The following BIN3 variants were observed in gnomAD, a reference collection of about 807,000 sequenced individuals.
BIN3 encodes the protein bridging integrator 3.
In BIN3, 41 loss-of-function variants were observed where a neutral mutation model predicts 38.2. That is an observed-to-expected ratio of 1.07 (90% CI 0.84 to 1.39). The LOEUF (loss-of-function observed/expected upper bound fraction) is 1.39, where lower values mean the gene tolerates loss of function less well. Ranked by LOEUF, BIN3 falls within the 40% of genes most tolerant of loss-of-function variation. The pLI is 0.00. For synonymous variants in BIN3, 145 were observed against 122.6 expected (o/e 1.18, Z -1.21); for missense variants, 361 against 324.3 (o/e 1.11, Z -0.87).
intron 8 of BIN3, among the ~76,000 whole-genome samples, chr8:22,623,210 C>T (rs917288324): frequency 6.6e-6 from 1 of 152,228 alleles, no homozygotes; most frequent in South Asian, 2.1e-4. Flanking sequence ...GGCATGGGTG[C>T]CCACCCTTTT....
intron 3 of BIN3, 126 bp from the exon 4 acceptor site, chr8:22,636,712 C>T (rs1802379146): frequency 2.7e-6 from 3 of 1,117,430 alleles, no homozygotes; most frequent in Admixed American, 2.1e-5. Context: ...ACTTTTCCCG[C>T]TGACTGAAGT....
At chr8:22,655,265 A>T (rs1563979399) in intron 1 of BIN3, among the ~76,000 whole-genome samples, 1 of 152,014 alleles carries the variant, frequency 6.6e-6, no homozygotes, top group Non-Finnish European at 1.5e-5. Flanking sequence ...TTTGAAGCAG[A>T]AAGTTTTAAA....
chr8:22,621,108 A>G lies in BIN3; in HGVS notation c.*314T>C, dbSNP rs1801784775. On this transcript the variant is annotated 3_prime_UTR_variant, in exon 9 of 9. Transcript: ENST00000276416. ...AAGGCTAAGACCCCCAACTTAGCCAACGAAGCCCATGGCCTCAGAAGGGCT... is the reference window on the plus strand; with the variant it reads ...AAGGCTAAGACCCCCAACTTAGCCAGCGAAGCCCATGGCCTCAGAAGGGCT... 6.4e-6 allele frequency: 2 copies of G among 310,646 alleles called. No homozygotes were observed. The highest frequency in any genetic ancestry group is 6.8e-5 in the East Asian group (1 of 14,696). The allele number at this position is 310,646 out of a possible 1,614,324, so 19.2% of individuals were successfully genotyped here.
At chr8:22,626,783 C>G (rs10110443) in intron 6 of BIN3, among the ~76,000 whole-genome samples, 62,196 of 152,056 alleles carry the variant, frequency 0.41, 13,083 homozygotes, top group South Asian at 0.5. Flanking sequence ...GGGAGGAGCC[C>G]TATGCTCGTT....
chr8:22,636,379 G>A (rs554136563), intron 4 of BIN3, 146 bp downstream of exon 4: 5 of 772,120 alleles, frequency 6.5e-6, no homozygotes, highest in Non-Finnish European at 6.3e-6. Context: ...CTGGTGAGGA[G>A]TGACTGCCCT....
intron 4 of BIN3, among the ~76,000 whole-genome samples, chr8:22,633,902 C>T (rs1469195772): frequency 6.6e-6 from 1 of 152,246 alleles, no homozygotes; most frequent in Non-Finnish European, 1.5e-5. Flanking sequence ...GAGGCACTGT[C>T]TCTGCCCACA....
At chr8:22,643,317 G>A (rs554633688) in intron 2 of BIN3, among the ~76,000 whole-genome samples, 10 of 149,490 alleles carry the variant, frequency 6.7e-5, no homozygotes, top group Non-Finnish European at 1.2e-4. Flanking sequence ...GCATGAAGCA[G>A]AGAGGCCCCA....
At chr8:22,629,205 G>A (rs1231989137) in intron 6 of BIN3, among the ~76,000 whole-genome samples, 2 of 152,200 alleles carry the variant, frequency 1.3e-5, no homozygotes, top group Admixed American at 6.5e-5. Flanking sequence ...ATTAGGCAGA[G>A]CCTCATTACC....
chr8:22,625,386 A>T, intron 6 of BIN3: 4 of 702,576 alleles, frequency 5.7e-6, no homozygotes, highest in African/African-American at 1.7e-5. Context: ...TTCGGAGGTG[A>T]CCCAGGACCA....
At chr8:22,636,614 G>C in intron 3 of BIN3, 28 bp from the exon 4 acceptor site, 1 of 1,550,168 alleles carries the variant, frequency 6.5e-7, no homozygotes, top group African/African-American at 1.4e-5. Flanking sequence ...GGCTGCTTGG[G>C]GTCCCCTTCC....
intron 1 of BIN3, among the ~76,000 whole-genome samples, chr8:22,662,549 T>A (rs950310444): frequency 1.3e-5 from 2 of 152,228 alleles, no homozygotes; most frequent in African/African-American, 4.8e-5. Flanking sequence ...GCCCCTTCTG[T>A]TATTTTTTAT....
Position 22,624,046 on chromosome 8 carries a change from G to T in BIN3, c.484C>A (p.Arg162=). The change falls in exon 8 of 9, where the codon CGA becomes AGA. Residue 162 remains arginine (R), a synonymous_variant. Coordinates refer to ENST00000276416, the MANE Select transcript of BIN3 (RefSeq NM_018688.6). ...GPVLAKLHQA[R]EELRPVREDF... is the part of the protein sequence containing the mutation. ...TCCCGCACAGGCCGCAGCTCCTCTC[G>T]TGCCTAGGGAACAAGACCTGGGTGT... 6.2e-7 allele frequency: 1 copy of T among 1,612,736 alleles called. No homozygotes were observed. Among genetic ancestry groups the T allele is most frequent in the Non-Finnish European group, 8.5e-7 (1 of 1,179,504 alleles).
chr8:22,649,152 G>T (rs1371103991), intron 1 of BIN3, among the ~76,000 whole-genome samples: 1 of 152,044 alleles, frequency 6.6e-6, no homozygotes, highest in African/African-American at 2.4e-5. Flanking sequence ...CCCAAATCTA[G>T]ACTCCTTATA....
chr8:22,620,553 C>T lies in BIN3; in HGVS notation c.*869G>A, dbSNP rs13439363. ...CCCACCCAGCGCCTCTGCTGGACCA[C>T]GGTGCAGTTCGCTCCAGAAGGTGGG... is the stretch of plus-strand genomic sequence containing the variant. On this transcript the variant is annotated 3_prime_UTR_variant, in exon 9 of 9. Transcript: ENST00000276416. The T allele has an allele frequency of 0.064, 9,679 of 152,144 alleles. 446 individuals are homozygous for T. The highest frequency in any genetic ancestry group is 0.13 in the African/African-American group (5,586 of 41,418). 9.4% of individuals were successfully genotyped at this position (152,144 alleles called of 1,614,324 possible). A position where few individuals can be genotyped will look rare whatever the true frequency, so the allele number is the denominator to read the frequency against.
chr8:22,668,941 G>A (rs1803516645), intron 1 of BIN3, 103 bp downstream of exon 1: 15 of 1,461,912 alleles, frequency 1.0e-5, no homozygotes, highest in Non-Finnish European at 1.4e-5. Context: ...GGGGCGGAGG[G>A]GTCGCGCGGG....
chr8:22,664,793 T>C (rs1479821658), intron 1 of BIN3, among the ~76,000 whole-genome samples: 3 of 152,142 alleles, frequency 2.0e-5, no homozygotes, highest in African/African-American at 7.2e-5. Flanking sequence ...AAGCATGAAG[T>C]CAGACAAAGG....
At chr8:22,656,091 C>T (rs1042597138) in intron 1 of BIN3, among the ~76,000 whole-genome samples, 1 of 152,068 alleles carries the variant, frequency 6.6e-6, no homozygotes, top group Non-Finnish European at 1.5e-5. Flanking sequence ...CCTAAAAACC[C>T]CTGATAAGGA....
Position 22,630,293 on chromosome 8 carries a change from G to A in BIN3, c.297+149C>T, listed in dbSNP as rs1563950226. On this transcript the variant is annotated intron_variant, in intron 5 of 8. Transcript: ENST00000276416. Reference sequence around the variant, plus strand: ...CAGAACAGTCTGGAAAGAGCCCTGTGGGCTTGCAGCACCTTGCAGCACACG... The same window carrying A: ...CAGAACAGTCTGGAAAGAGCCCTGTAGGCTTGCAGCACCTTGCAGCACACG... 1.1e-5 allele frequency: 13 copies of A among 1,190,888 alleles called. No individual in the cohort carries two copies. The East Asian group carries it at 3.0e-4, about 28-fold the overall frequency. 73.8% of individuals were successfully genotyped at this position (1,190,888 alleles called of 1,614,324 possible).
chr8:22,659,357 G>A (rs922465641), intron 1 of BIN3, among the ~76,000 whole-genome samples: 17 of 152,206 alleles, frequency 1.1e-4, no homozygotes, highest in African/African-American at 3.9e-4. Flanking sequence ...CCAACAGTCC[G>A]AGGAGGTATG....
Sources: allele counts gnomAD v4.1 joint callset (sites outside exome capture counted in the v4.1 genomes callset), GRCh38; gene constraint gnomAD v4.1.1; transcripts MANE v1.5; gene names NCBI Gene and HGNC (gene_info 2026-07-23, HGNC 2026-07-21).